MYO1D: variants seen among roughly 807,000 people sequenced by gnomAD.
The protein encoded by MYO1D is myosin ID, also known as unconventional myosin-Id.
A neutral mutation model predicts 122.0 loss-of-function variants in MYO1D; 83 were observed. That is an observed-to-expected ratio of 0.68 (90% CI 0.57 to 0.82). The LOEUF (loss-of-function observed/expected upper bound fraction) is 0.82, where lower values mean the gene tolerates loss of function less well. Among genes scored for constraint, MYO1D ranks in the 40% least tolerant of loss-of-function variants. The pLI, the probability that MYO1D is intolerant of heterozygous loss-of-function variation, is 0.00. For missense variants in MYO1D, 1,157 were observed against 1,269.5 expected (o/e 0.91, Z 1.35); for synonymous variants, 464 against 446.9 (o/e 1.04, Z -0.48).
At chr17:32,661,461 T>C (rs1330234452) in intron 16 of MYO1D, among the ~76,000 whole-genome samples, 2 of 152,128 alleles carry the variant, frequency 1.3e-5, no homozygotes. Flanking sequence ...GAAACCAGCA[T>C]GGGCAACATG....
intron 19 of MYO1D, among the ~76,000 whole-genome samples, chr17:32,641,209 G>T (rs922687477): frequency 2.7e-5 from 4 of 150,306 alleles, no homozygotes; most frequent in African/African-American, 7.4e-5. Flanking sequence ...CCTTGCGATA[G>T]TTTGCTGAGA....
At position 32,728,691 on chromosome 17, in the gene MYO1D, C is replaced by G. The variant is rs2089603580; in HGVS notation, c.1747-7502G>C. Reference sequence around the variant, plus strand: ...GAAAAATACTTCTGAACAACTAAACCTTAGGTCAAAAAGGAAATTACAATG... The same window carrying G: ...GAAAAATACTTCTGAACAACTAAACGTTAGGTCAAAAAGGAAATTACAATG... On this transcript the variant is annotated intron_variant, in intron 14 of 21. Coordinates refer to ENST00000318217, the MANE Select transcript of MYO1D (RefSeq NM_015194.3). Among the ~76,000 whole-genome samples the G allele has an allele frequency of 2.0e-5, 3 of 152,108 alleles. No individual in the cohort carries two copies. In the Middle Eastern group the frequency reaches 0.01, roughly 521 times the overall value.
chr17:32,612,701 A>AC (rs1183781728), intron 20 of MYO1D, among the ~76,000 whole-genome samples: 1 of 151,254 alleles, frequency 6.6e-6, no homozygotes, highest in Non-Finnish European at 1.5e-5. Flanking sequence ...AAAAACAAAA[A>AC]AAAAAAAAAA....
chr17:32,626,701 C>CT (rs1488819950), intron 20 of MYO1D, among the ~76,000 whole-genome samples: 2 of 152,168 alleles, frequency 1.3e-5, no homozygotes, highest in Non-Finnish European at 2.9e-5. Context: ...GCAGCTGTCT[C>CT]TAACCAGTGT....
intron 13 of MYO1D, among the ~76,000 whole-genome samples, chr17:32,739,728 CT>C (rs1053346744): frequency 3.3e-5 from 5 of 152,156 alleles, no homozygotes; most frequent in African/African-American, 9.7e-5. Context: ...ATTTTACCCA[CT>C]TTTTTTCCCT....
At chr17:32,636,022 T>A (rs933816909) in intron 20 of MYO1D, among the ~76,000 whole-genome samples, 1 of 152,196 alleles carries the variant, frequency 6.6e-6, no homozygotes, top group Non-Finnish European at 1.5e-5. Context: ...TGGAGGTCCA[T>A]AAAGAAATTT....
At chr17:32,746,082 A>T (rs961791194) in intron 12 of MYO1D, among the ~76,000 whole-genome samples, 1 of 152,236 alleles carries the variant, frequency 6.6e-6, no homozygotes, top group East Asian at 1.9e-4. Context: ...CTTGACAATC[A>T]GATCAGTATA....
intron 21 of MYO1D, among the ~76,000 whole-genome samples, chr17:32,524,884 G>A (rs116924655): frequency 0.011 from 1,692 of 152,120 alleles, 13 homozygotes; most frequent in East Asian, 0.043. Context: ...TTAATTTTTA[G>A]TAGAGATAAG....
At chr17:32,552,788 G>A (rs572485681) in intron 21 of MYO1D, among the ~76,000 whole-genome samples, 100 of 152,268 alleles carry the variant, frequency 6.6e-4, no homozygotes, top group African/African-American at 2.2e-3. Flanking sequence ...TATAGTAAGC[G>A]AAACCACAGA....
chr17:32,620,297 G>C (rs1319070662), intron 20 of MYO1D, among the ~76,000 whole-genome samples: 2 of 152,210 alleles, frequency 1.3e-5, no homozygotes, highest in Non-Finnish European at 2.9e-5. Context: ...TGCCAGGTGA[G>C]GGTGGAGGGC....
chr17:32,745,762 A>G (rs1306871175), intron 12 of MYO1D: 1 of 157,068 alleles, frequency 6.4e-6, no homozygotes, highest in African/African-American at 2.4e-5. Flanking sequence ...AACAGATCAA[A>G]TGGAGTGACG....
chr17:32,771,025 T>G, intron 6 of MYO1D, 100 bp downstream of exon 6: 1 of 777,030 alleles, frequency 1.3e-6, no homozygotes, highest in East Asian at 2.7e-5. Flanking sequence ...AGATGTTTAT[T>G]TGCCTAAAGA....
chr17:32,806,785 A>G (rs974708480), intron 1 of MYO1D, among the ~76,000 whole-genome samples: 1 of 152,200 alleles, frequency 6.6e-6, no homozygotes, highest in East Asian at 1.9e-4. Context: ...TGGCTTTCCA[A>G]GGTGTTGCTA....
intron 14 of MYO1D, among the ~76,000 whole-genome samples, chr17:32,723,137 G>A (rs1389139961): frequency 1.3e-5 from 2 of 152,176 alleles, no homozygotes; most frequent in African/African-American, 2.4e-5. Flanking sequence ...ATTCCAGGGG[G>A]ACAGAAGCTC....
chr17:32,782,064 G>T (rs1157150665), intron 1 of MYO1D, among the ~76,000 whole-genome samples: 1 of 152,214 alleles, frequency 6.6e-6, no homozygotes, highest in East Asian at 1.9e-4. Context: ...TTGCTTCATG[G>T]CTGGTGGAGC....
chr17:32,686,417 C>G (rs1050656864), intron 16 of MYO1D: 4 of 152,192 alleles, frequency 2.6e-5, no homozygotes, highest in Admixed American at 1.3e-4. Flanking sequence ...GATTTTGGCC[C>G]AGTGAAACTG....
chr17:32,641,619 C>T lies in MYO1D; in HGVS notation c.2596-2784G>A, dbSNP rs527973203. ...TGTTGTTTCCTGACTTTTTAATGATCGCCATTCTAACTTGTGTGAGATGGC... is the reference window on the plus strand; with the variant it reads ...TGTTGTTTCCTGACTTTTTAATGATTGCCATTCTAACTTGTGTGAGATGGC... On this transcript the variant is annotated intron_variant, in intron 19 of 21. Coordinates refer to ENST00000318217, the MANE Select transcript of MYO1D (RefSeq NM_015194.3). 6.0e-4 allele frequency among the ~76,000 whole-genome samples: 92 copies of T among 152,240 alleles called. 1 individual carries two copies. The South Asian group carries it at 0.017, about 27-fold the overall frequency.
At chr17:32,518,656 G>C (rs1279092723) in intron 21 of MYO1D, 1 of 152,096 alleles carries the variant, frequency 6.6e-6, no homozygotes, top group Non-Finnish European at 1.5e-5. Context: ...ACACTAAGAG[G>C]GTATCGGCTA....
In MYO1D at chr17:32,839,185, A is replaced by G. The variant is rs561654435; in HGVS notation, c.95+37593T>C. ...AAGGAAAGCAAAAGCAAAAAGGACT[A>G]AGTCTAAGCCAAGAAGGTAGACTAA... On this transcript the variant is annotated intron_variant, in intron 1 of 21. Transcript: ENST00000318217. Among the ~76,000 whole-genome samples the G allele has an allele frequency of 3.3e-5, 5 of 152,344 alleles. No homozygotes were observed. The South Asian group carries it at 1.0e-3, about 32-fold the overall frequency.
Sources: allele counts gnomAD v4.1 joint callset (sites outside exome capture counted in the v4.1 genomes callset), GRCh38; gene constraint gnomAD v4.1.1; transcripts MANE v1.5; gene names NCBI Gene and HGNC (gene_info 2026-07-23, HGNC 2026-07-21).